Variants in RGL1 observed in about 807,000 individuals in gnomAD.
RGL1 encodes ral guanine nucleotide dissociation stimulator like 1.
RGL1 carries 24 observed loss-of-function variants against 95.2 expected under a neutral mutation model. The ratio of observed to expected loss-of-function variants is 0.25; its 90% CI spans 0.18 to 0.35. The LOEUF is 0.35. Among genes scored for constraint, RGL1 ranks in the 10% least tolerant of loss-of-function variants. The pLI is 1.00. For synonymous variants in RGL1, 329 were observed against 344.9 expected, an observed-to-expected ratio of 0.95 and a Z score of 0.51; for missense variants, 715 against 936.3, an observed-to-expected ratio of 0.76 and a Z score of 3.08.
chr1:183,661,796 A>G (rs951183568), intron 1 of RGL1, among the ~76,000 whole-genome samples: 1 of 151,076 alleles, frequency 6.6e-6, no homozygotes, highest in Non-Finnish European at 1.5e-5. Flanking sequence ...ATGAACATTG[A>G]TGCAAAAATC....
At chr1:183,769,248 C>A (rs1272968594) in intron 2 of RGL1, among the ~76,000 whole-genome samples, 1 of 152,122 alleles carries the variant, frequency 6.6e-6, no homozygotes, top group Non-Finnish European at 1.5e-5. Context: ...TTCATTAAAC[C>A]AACAACATTA....
intron 17 of RGL1, among the ~76,000 whole-genome samples, 193 bp from the exon 18 acceptor site, chr1:183,925,912 T>C (rs1669588126): frequency 6.6e-6 from 1 of 152,222 alleles, no homozygotes; most frequent in Non-Finnish European, 1.5e-5. Flanking sequence ...TGTACTAATT[T>C]TTTAAATTGG....
chr1:183,675,478 G>C (rs1395217963), intron 1 of RGL1, among the ~76,000 whole-genome samples: 1 of 147,754 alleles, frequency 6.8e-6, no homozygotes, highest in Non-Finnish European at 1.5e-5. Context: ...TGAAGAAAAA[G>C]TGTTATCACT....
At chr1:183,701,006 T>A (rs915546573) in intron 1 of RGL1, among the ~76,000 whole-genome samples, 1 of 152,204 alleles carries the variant, frequency 6.6e-6, no homozygotes, top group Non-Finnish European at 1.5e-5. Flanking sequence ...ACATGTGGTG[T>A]TTCGTTTTCT....
At chr1:183,776,780 C>T (rs1351186999) in intron 2 of RGL1, among the ~76,000 whole-genome samples, 1 of 152,188 alleles carries the variant, frequency 6.6e-6, no homozygotes, top group African/African-American at 2.4e-5. Context: ...GGGGTCTGAT[C>T]ATGAAAGGCC....
chr1:183,873,706 T>C (rs1666319594), intron 4 of RGL1, among the ~76,000 whole-genome samples: 1 of 152,260 alleles, frequency 6.6e-6, no homozygotes, highest in East Asian at 1.9e-4. Context: ...TGAGATCTTT[T>C]GTCATTATTT....
intron 4 of RGL1, among the ~76,000 whole-genome samples, chr1:183,875,771 C>T (rs1041296323): frequency 4.0e-5 from 6 of 148,668 alleles, no homozygotes; most frequent in Admixed American, 6.8e-5. Context: ...CCCAGCTACT[C>T]GGGAGGCTGA....
intron 1 of RGL1, among the ~76,000 whole-genome samples, chr1:183,711,081 C>A (rs1169240355): frequency 6.6e-6 from 1 of 152,170 alleles, no homozygotes; most frequent in African/African-American, 2.4e-5. Flanking sequence ...TGGAGGTTGA[C>A]CCCACAACCT....
intron 2 of RGL1, among the ~76,000 whole-genome samples, chr1:183,753,760 T>G (rs1234826792): frequency 6.6e-6 from 1 of 152,182 alleles, no homozygotes; most frequent in Non-Finnish European, 1.5e-5. Context: ...TTTTGGCATA[T>G]ATAGCAAGAC....
chr1:183,654,212 TA>T (rs1650977143), intron 1 of RGL1, among the ~76,000 whole-genome samples: 1 of 152,162 alleles, frequency 6.6e-6, no homozygotes, highest in African/African-American at 2.4e-5. Context: ...TTTTGTCTCC[TA>T]AGGGCCTCAG....
chr1:183,684,957 C>A (rs1572273489), intron 1 of RGL1, among the ~76,000 whole-genome samples: 1 of 152,376 alleles, frequency 6.6e-6, no homozygotes, highest in South Asian at 2.1e-4. Flanking sequence ...AGCTAGGTAT[C>A]TCAGTTGGAA....
chr1:183,670,484 A>G (rs1572253842), intron 1 of RGL1, among the ~76,000 whole-genome samples: 1 of 152,206 alleles, frequency 6.6e-6, no homozygotes, highest in East Asian at 1.9e-4. Context: ...AAGCCCCCAT[A>G]TGACTGGGTC....
intron 2 of RGL1, among the ~76,000 whole-genome samples, chr1:183,811,749 T>C (rs541654465): frequency 5.9e-5 from 9 of 152,320 alleles, no homozygotes; most frequent in Admixed American, 1.3e-4. Flanking sequence ...AATATCCATT[T>C]CAATTCACCA....
chr1:183,755,680 C>T (rs1658281808), intron 2 of RGL1, among the ~76,000 whole-genome samples: 1 of 152,208 alleles, frequency 6.6e-6, no homozygotes, highest in Non-Finnish European at 1.5e-5. Flanking sequence ...GATACCTCAA[C>T]AAAGTTGATC....
intron 4 of RGL1, among the ~76,000 whole-genome samples, chr1:183,874,912 G>A (rs769415796): frequency 3.3e-5 from 5 of 152,104 alleles, no homozygotes; most frequent in Admixed American, 1.3e-4. Flanking sequence ...TGGAGGGTCC[G>A]GCCCAGAGTC....
chr1:183,922,227 G>C lies in RGL1; in HGVS notation c.2010G>C (p.Thr670=), dbSNP rs779275339. 6.9e-5 allele frequency: 112 copies of C among 1,613,800 alleles called. No individual in the cohort carries two copies. Among genetic ancestry groups the C allele is most frequent in the Non-Finnish European group, 8.7e-5 (103 of 1,179,872 alleles). ...NGNMYKSIML[T]SQDKTPAVIQ... ...CCTGTTCATTGTCTTTGCAGTTGAC[G>C]AGCCAGGATAAAACCCCCGCTGTGA... is the stretch of plus-strand genomic sequence containing the variant. The change falls in exon 17 of 18, where the codon ACG becomes ACC. Residue 670 remains threonine, a synonymous_variant. Transcript: ENST00000360851.
intron 4 of RGL1, among the ~76,000 whole-genome samples, chr1:183,867,437 C>G (rs550775722): frequency 6.6e-6 from 1 of 152,074 alleles, no homozygotes; most frequent in Non-Finnish European, 1.5e-5. Context: ...TGCCCTAGAT[C>G]GAGTGTGAGG....
intron 4 of RGL1, among the ~76,000 whole-genome samples, chr1:183,869,645 T>C (rs867421080): frequency 1.3e-5 from 2 of 152,226 alleles, no homozygotes; most frequent in African/African-American, 2.4e-5. Context: ...ACATCTTTTA[T>C]TGTTTTTCAT....
At chr1:183,897,986 C>A in intron 10 of RGL1, 89 bp downstream of exon 10, 2 of 1,023,212 alleles carry the variant, frequency 2.0e-6, no homozygotes, top group Non-Finnish European at 3.0e-6. Context: ...CACCTTCAGT[C>A]AACAGGGCAC....
Sources: gnomAD v4.1 joint callset for allele counts (sites outside exome capture counted in the v4.1 genomes callset) on GRCh38, gnomAD v4.1.1 for gene constraint, MANE v1.5 for transcripts, NCBI Gene and HGNC (gene_info 2026-07-23, HGNC 2026-07-21) for gene names.